Variants in PRTFDC1 observed in about 807,000 individuals in gnomAD.
PRTFDC1 encodes phosphoribosyl transferase domain containing 1.
Under a neutral mutation model 34.6 loss-of-function variants are expected in PRTFDC1, and 38 were observed. The observed-to-expected ratio is 1.10, with a 90% CI of 0.85 to 1.44. PRTFDC1 has a LOEUF of 1.44. Ranked by LOEUF, PRTFDC1 falls within the 40% of genes most tolerant of loss-of-function variation. The pLI, the probability that PRTFDC1 is intolerant of heterozygous loss-of-function variation, is 0.00. For missense variants in PRTFDC1, 270 were observed against 283.0 expected (o/e 0.95, Z 0.33); for synonymous variants, 93 against 98.1 (o/e 0.95, Z 0.31).
intron 1 of PRTFDC1, among the ~76,000 whole-genome samples, chr10:24,947,862 C>G (rs139879196): frequency 2.5e-4 from 38 of 152,118 alleles, no homozygotes; most frequent in Middle Eastern, 6.8e-3. Flanking sequence ...TGTCCTAGCC[C>G]TAGAGCCAGG....
intron 3 of PRTFDC1, among the ~76,000 whole-genome samples, chr10:24,878,601 C>T (rs1290446150): frequency 6.6e-6 from 1 of 152,178 alleles, no homozygotes; most frequent in East Asian, 1.9e-4. Context: ...TTTGGAAAAA[C>T]CATTTTGGAA....
chr10:24,871,009 T>C (rs572204493), intron 4 of PRTFDC1, among the ~76,000 whole-genome samples: 7 of 140,520 alleles, frequency 5.0e-5, no homozygotes, highest in South Asian at 2.3e-4. Context: ...GAGGTGGAGG[T>C]TGCAGTGAGC....
intron 6 of PRTFDC1, among the ~76,000 whole-genome samples, chr10:24,856,492 G>A (rs985713492): frequency 6.6e-6 from 1 of 152,078 alleles, no homozygotes; most frequent in Non-Finnish European, 1.5e-5. Flanking sequence ...GGAAGCTGAG[G>A]CATCAGAATT....
intron 3 of PRTFDC1, among the ~76,000 whole-genome samples, chr10:24,919,106 TAATC>T (rs1848742100): frequency 6.6e-6 from 1 of 152,244 alleles, no homozygotes; most frequent in Non-Finnish European, 1.5e-5. Flanking sequence ...CTTTCAATAG[TAATC>T]AATCAATATA....
chr10:24,903,366 TGGTA>T (rs1379501607), intron 3 of PRTFDC1, among the ~76,000 whole-genome samples: 1 of 152,230 alleles, frequency 6.6e-6, no homozygotes, highest in Non-Finnish European at 1.5e-5. Flanking sequence ...ATTTGTTAAC[TGGTA>T]ATGATTATAC....
Position 24,858,391 on chromosome 10 carries a change from C to T in PRTFDC1, c.423+1G>A, listed in dbSNP as rs1366377903. ...GTATGGAAAAGGAAATGCCAGCTTACCTCAACAATGAGAACATTCTGAAAT... is the reference window on the plus strand; with the variant it reads ...GTATGGAAAAGGAAATGCCAGCTTATCTCAACAATGAGAACATTCTGAAAT... On this transcript the variant is annotated splice_donor_variant, in intron 5 of 8. Coordinates refer to ENST00000320152, the MANE Select transcript of PRTFDC1 (RefSeq NM_020200.7). LOFTEE classifies it high-confidence loss of function. The T allele has an allele frequency of 6.2e-7, 1 of 1,613,220 alleles. No homozygotes were observed. Among genetic ancestry groups the T allele is most frequent in the South Asian group, 1.1e-5 (1 of 91,046 alleles).
intron 3 of PRTFDC1, among the ~76,000 whole-genome samples, chr10:24,875,516 C>CCTTATTTCA (rs1181915907): frequency 6.6e-6 from 1 of 152,060 alleles, no homozygotes; most frequent in Non-Finnish European, 1.5e-5. Flanking sequence ...TCACTCTGTG[C>CCTTATTTCA]CTGGCTTATT....
At chr10:24,912,481 C>T (rs1040130567) in intron 3 of PRTFDC1, among the ~76,000 whole-genome samples, 4 of 151,628 alleles carry the variant, frequency 2.6e-5, no homozygotes, top group Non-Finnish European at 5.9e-5. Flanking sequence ...TTGTATTTCC[C>T]TGATGACTAA....
At chr10:24,891,049 G>T (rs898199676) in intron 3 of PRTFDC1, among the ~76,000 whole-genome samples, 1 of 152,206 alleles carries the variant, frequency 6.6e-6, no homozygotes, top group African/African-American at 2.4e-5. Flanking sequence ...AAGGTGGGAA[G>T]AGTTAAACCC....
intron 3 of PRTFDC1, among the ~76,000 whole-genome samples, chr10:24,886,166 T>A (rs1848160065): frequency 6.6e-6 from 1 of 152,128 alleles, no homozygotes; most frequent in Non-Finnish European, 1.5e-5. Context: ...TTAATGTAGG[T>A]TTTATTGTAA....
chr10:24,859,007 C>G (rs1421456452), intron 4 of PRTFDC1, among the ~76,000 whole-genome samples: 1 of 152,134 alleles, frequency 6.6e-6, no homozygotes, highest in Non-Finnish European at 1.5e-5. Flanking sequence ...CTACCTCTCC[C>G]CTAAGAACAC....
intron 3 of PRTFDC1, among the ~76,000 whole-genome samples, chr10:24,897,678 C>A (rs1252201704): frequency 1.3e-5 from 2 of 152,134 alleles, no homozygotes; most frequent in Non-Finnish European, 2.9e-5. Flanking sequence ...AATGAGGTGG[C>A]CCTTTTGGCC....
chr10:24,861,653 T>G (rs1290766037), intron 4 of PRTFDC1, among the ~76,000 whole-genome samples: 1 of 152,052 alleles, frequency 6.6e-6, no homozygotes, highest in Non-Finnish European at 1.5e-5. Context: ...CTTTTAGCTG[T>G]TTTTCTGCTT....
In PRTFDC1 at chr10:24,884,122, G is replaced by A. The variant is rs547164619; in HGVS notation, c.340-12059C>T. 5.1e-4 allele frequency among the ~76,000 whole-genome samples: 77 copies of A among 151,060 alleles called. 1 individual carries two copies. The South Asian group carries it at 0.016, about 31-fold the overall frequency. On this transcript the variant is annotated intron_variant, in intron 3 of 8. Transcript: ENST00000320152. ...GCTGGGATTTCAGGTGTGAGCCACA[G>A]TGCCCGGCCAAGAGACGATTTTCTC...
chr10:24,896,829 C>T (rs1336734010), intron 3 of PRTFDC1, among the ~76,000 whole-genome samples: 2 of 152,196 alleles, frequency 1.3e-5, no homozygotes, highest in Non-Finnish European at 2.9e-5. Flanking sequence ...AATCCTAGAA[C>T]TTTGGGAGGC....
chr10:24,858,473 A>G (rs1847619914), intron 4 of PRTFDC1, 64 bp from the exon 5 acceptor site: 8 of 1,542,968 alleles, frequency 5.2e-6, no homozygotes, highest in Admixed American at 5.1e-5. Context: ...ATACATACAC[A>G]TTTTTTTGCT....
At chr10:24,894,798 C>CT (rs1196301283) in intron 3 of PRTFDC1, among the ~76,000 whole-genome samples, 1 of 152,170 alleles carries the variant, frequency 6.6e-6, no homozygotes, top group Non-Finnish European at 1.5e-5. Flanking sequence ...GGGTTCAAAT[C>CT]GAGGCTCCGC....
chr10:24,859,749 A>C (rs549734682), intron 4 of PRTFDC1, among the ~76,000 whole-genome samples: 1 of 152,252 alleles, frequency 6.6e-6, no homozygotes, highest in African/African-American at 2.4e-5. Flanking sequence ...TTCTTGTTTG[A>C]TATCTGTCTT....
intron 7 of PRTFDC1, among the ~76,000 whole-genome samples, chr10:24,851,860 C>T (rs183212211): frequency 3.5e-4 from 53 of 151,572 alleles, no homozygotes; most frequent in African/African-American, 1.3e-3. Context: ...AAGCAGAAGG[C>T]GTTACGACGC....
Sources: gnomAD v4.1 joint callset for allele counts (sites outside exome capture counted in the v4.1 genomes callset) on GRCh38, gnomAD v4.1.1 for gene constraint, MANE v1.5 for transcripts, NCBI Gene and HGNC (gene_info 2026-07-23, HGNC 2026-07-21) for gene names.